Variants in ESR1 observed in about 807,000 individuals in gnomAD.
ESR1 encodes estrogen receptor.
In ESR1, 12 loss-of-function variants were observed where a neutral mutation model predicts 52.7. That is an observed-to-expected ratio of 0.23 (90% CI 0.15 to 0.37). The LOEUF (loss-of-function observed/expected upper bound fraction) is 0.37, where lower values mean the gene tolerates loss of function less well. Ranked by LOEUF, ESR1 falls within the 10% of genes least tolerant of loss-of-function variation. The probability of loss-of-function intolerance (pLI) is 1.00; values close to 1 mark genes in which losing one functional copy is unlikely to be tolerated. For synonymous variants in ESR1, 305 were observed against 316.8 expected (o/e 0.96, Z 0.39); for missense variants, 584 against 779.7 (o/e 0.75, Z 2.99).
chr6:152,076,944 C>T (rs13211433), intron 6 of ESR1, among the ~76,000 whole-genome samples: 32,102 of 152,020 alleles, frequency 0.21, 4,786 homozygotes, highest in African/African-American at 0.41. Context: ...AAAGAAAAAC[C>T]CATTTTTTTG....
chr6:152,068,271 G>T (rs1562749219), intron 6 of ESR1, among the ~76,000 whole-genome samples: 3 of 152,180 alleles, frequency 2.0e-5, no homozygotes, highest in South Asian at 2.1e-4. Context: ...CATTTTGTTT[G>T]CTTCTGTATT....
chr6:151,802,681 ATCT>A (rs1218678811), upstream of ESR1, among the ~76,000 whole-genome samples: 1 of 152,230 alleles, frequency 6.6e-6, no homozygotes, highest in Non-Finnish European at 1.5e-5. Flanking sequence ...TACAAAGATA[ATCT>A]TCTAGCAAAA....
At chr6:151,820,906 C>T (rs535000241) in intron 1 of ESR1, among the ~76,000 whole-genome samples, 133 of 152,086 alleles carry the variant, frequency 8.7e-4, no homozygotes, top group Non-Finnish European at 1.6e-3. Flanking sequence ...ATGTGAAACC[C>T]ATCTGAGAAC....
chr6:151,832,155 G>A (rs1209427623), intron 1 of ESR1, among the ~76,000 whole-genome samples: 1 of 152,184 alleles, frequency 6.6e-6, no homozygotes, highest in Non-Finnish European at 1.5e-5. Flanking sequence ...GTATAAAAGA[G>A]CTAGAGTAAT....
At chr6:152,035,085 T>C (rs2982708) in intron 5 of ESR1, among the ~76,000 whole-genome samples, 59,535 of 151,922 alleles carry the variant, frequency 0.39, 13,834 homozygotes, top group African/African-American at 0.65. Flanking sequence ...TCCCATAAAA[T>C]TAAAAATTCC....
chr6:151,713,639 G>T (rs1405158424), intron 2 of ESR1, among the ~76,000 whole-genome samples: 1 of 152,158 alleles, frequency 6.6e-6, no homozygotes, highest in Non-Finnish European at 1.5e-5. Flanking sequence ...GGTGTTTATA[G>T]TATTCTCTGA....
intron 1 of ESR1, among the ~76,000 whole-genome samples, chr6:151,838,308 G>C (rs942989812): frequency 6.6e-6 from 1 of 152,380 alleles, no homozygotes; most frequent in African/African-American, 2.4e-5. Context: ...GTCTATGACA[G>C]GTGCAGTGGG....
intron 4 of ESR1, among the ~76,000 whole-genome samples, chr6:151,964,932 G>A (rs1208377434): frequency 1.3e-5 from 2 of 152,088 alleles, no homozygotes; most frequent in Non-Finnish European, 2.9e-5. Flanking sequence ...ATGAGCCACC[G>A]CGCCCGGCCC....
intron 3 of ESR1, among the ~76,000 whole-genome samples, chr6:151,903,788 G>A (rs7739316): frequency 1.3e-5 from 2 of 152,080 alleles, no homozygotes; most frequent in East Asian, 1.9e-4. Flanking sequence ...TTTATTGATC[G>A]CTTAATTGAA....
rs145511390 is a variant in ESR1, at chr6:151,743,183, G to C, written c.-71+41178G>C. ...ATGATACAGGAGATGAGAGGAGGGA[G>C]AGCTCTGGGGGCTGACACTGTTGGG... On this transcript the variant is annotated intron_variant, in intron 2 of 2. Coordinates refer to the ESR1 transcript ENST00000404742. Among the ~76,000 whole-genome samples, 428 of 152,234 alleles carry C rather than the reference G, an allele frequency of 2.8e-3. 4 individuals carry two copies. The highest frequency in any genetic ancestry group is 0.018 in the East Asian group (95 of 5,150).
intron 2 of ESR1, among the ~76,000 whole-genome samples, chr6:151,715,263 C>G (rs1780938928): frequency 6.6e-6 from 1 of 152,198 alleles, no homozygotes; most frequent in African/African-American, 2.4e-5. Context: ...TCTGGCTGCA[C>G]TTAACATTTT....
chr6:152,095,799 T>C (rs1193038413), intron 7 of ESR1, among the ~76,000 whole-genome samples: 1 of 152,228 alleles, frequency 6.6e-6, no homozygotes, highest in African/African-American at 2.4e-5. Context: ...TTACTATTTT[T>C]CTGCCCATTT....
intron 4 of ESR1, among the ~76,000 whole-genome samples, chr6:152,011,283 G>A (rs1041982699): frequency 6.6e-6 from 1 of 152,096 alleles, no homozygotes; most frequent in African/African-American, 2.4e-5. Context: ...AAATTTCTTA[G>A]CACCTTAGCA....
chr6:151,993,722 G>C (rs1326236318), intron 4 of ESR1, among the ~76,000 whole-genome samples: 2 of 152,208 alleles, frequency 1.3e-5, no homozygotes, highest in African/African-American at 4.8e-5. Context: ...GGAGGAAGCA[G>C]AGTGGGTGTT....
At chr6:151,763,398 G>A (rs1291058515) in intron 2 of ESR1, among the ~76,000 whole-genome samples, 2 of 152,190 alleles carry the variant, frequency 1.3e-5, no homozygotes, top group African/African-American at 2.4e-5. Flanking sequence ...TGCATATTGA[G>A]CGATTCCAAC....
intron 4 of ESR1, among the ~76,000 whole-genome samples, chr6:151,968,506 T>G (rs963167038): frequency 2.0e-5 from 3 of 151,912 alleles, no homozygotes; most frequent in Non-Finnish European, 4.4e-5. Flanking sequence ...TGGGAGAAAA[T>G]TTTTGCAATC....
intron 2 of ESR1, among the ~76,000 whole-genome samples, chr6:151,797,825 C>T (rs779039872): frequency 6.6e-6 from 1 of 152,198 alleles, no homozygotes; most frequent in Non-Finnish European, 1.5e-5. Flanking sequence ...TTGCATGGCG[C>T]TATGTCCTCC....
chr6:152,085,773 T>G (rs1173801529), intron 6 of ESR1, among the ~76,000 whole-genome samples: 1 of 152,194 alleles, frequency 6.6e-6, no homozygotes, highest in Non-Finnish European at 1.5e-5. Flanking sequence ...TCCAGCCCTT[T>G]CTGTTGATTA....
chr6:151,758,819 C>T (rs905496172), intron 2 of ESR1, among the ~76,000 whole-genome samples: 4 of 151,058 alleles, frequency 2.6e-5, no homozygotes, highest in Non-Finnish European at 5.9e-5. Flanking sequence ...GGCAGTGACT[C>T]ACCCAGGGTC....
Sources: allele counts gnomAD v4.1 joint callset (sites outside exome capture counted in the v4.1 genomes callset), GRCh38; gene constraint gnomAD v4.1.1; transcripts MANE v1.5; gene names NCBI Gene and HGNC (gene_info 2026-07-23, HGNC 2026-07-21).